Variants in C5orf52 observed in about 807,000 individuals in gnomAD.
C5orf52 encodes the protein chromosome 5 open reading frame 52.
Under a neutral mutation model 16.8 loss-of-function variants are expected in C5orf52, and 15 were observed. That is an observed-to-expected ratio of 0.89 (90% CI 0.60 to 1.38). C5orf52 has a LOEUF of 1.38. Among genes scored for constraint, C5orf52 ranks in the 40% most tolerant of loss-of-function variants. The probability of loss-of-function intolerance (pLI) is 0.00; values close to 1 mark genes in which losing one functional copy is unlikely to be tolerated. For missense variants in C5orf52, 206 were observed against 213.1 expected (o/e 0.97, Z 0.21); for synonymous variants, 83 against 87.2 (o/e 0.95, Z 0.27).
chr5:157,674,672 G>A (rs1759862349), intron 1 of C5orf52, among the ~76,000 whole-genome samples: 1 of 152,150 alleles, frequency 6.6e-6, no homozygotes, highest in South Asian at 2.1e-4. Context: ...GGAGGCCGAG[G>A]CAGGAGAATT....
rs78469140 is a variant in C5orf52, at chr5:157,675,148, C to T, written c.269C>T (p.Ser90Phe). 3,014 of 1,551,434 alleles carry T rather than the reference C, an allele frequency of 1.9e-3. 27 individuals are homozygous for T. The highest frequency in any genetic ancestry group is 0.018 in the African/African-American group (1,329 of 73,132). ...MKKTLPKSHLSRVIIHDNRIT... is the reference protein window; with the variant it reads ...MKKTLPKSHLFRVIIHDNRIT... The stretch of plus-strand genomic sequence containing the variant: ...AAAACTTTACCCAAGAGCCATTTAT[C>T]TCGGGTGATTATTCATGATAACCGC... The change falls in exon 2 of 3, where the codon TCT becomes TTT. Residue 90 changes from serine (S) to phenylalanine (F), a missense_variant. Ser to Phe is a radical substitution (Grantham distance 155, BLOSUM62 -2). Transcript: ENST00000409999.
chr5:157,673,437 A>G (rs1014625911), intron 1 of C5orf52, among the ~76,000 whole-genome samples: 2 of 152,314 alleles, frequency 1.3e-5, no homozygotes, highest in East Asian at 1.9e-4. Flanking sequence ...TTCAGGCTTC[A>G]TTCATATATA....
chr5:157,677,786 C>A (rs985747326), intron 2 of C5orf52, among the ~76,000 whole-genome samples: 2 of 151,924 alleles, frequency 1.3e-5, no homozygotes, highest in Non-Finnish European at 2.9e-5. Context: ...GAGTTTGAGA[C>A]CAGCCTGGCC....
At chr5:157,676,861 C>CTTTTTTTTTTTT (rs61514085) in intron 2 of C5orf52, among the ~76,000 whole-genome samples, 1 of 134,882 alleles carries the variant, frequency 7.4e-6, no homozygotes. Context: ...TTTTAATTTC[C>CTTTTTTTTTTTT]TTTTTTTTTC....
intron 2 of C5orf52, among the ~76,000 whole-genome samples, chr5:157,679,083 G>A (rs1162672307): frequency 6.6e-6 from 1 of 151,462 alleles, no homozygotes; most frequent in Non-Finnish European, 1.5e-5. Context: ...GCAGTGAGCT[G>A]AGATCGCGCC....
chr5:157,673,951 C>T (rs111474958), intron 1 of C5orf52, among the ~76,000 whole-genome samples: 1,808 of 152,206 alleles, frequency 0.012, 20 homozygotes, highest in South Asian at 0.049. Flanking sequence ...CGGTCCTGAA[C>T]AATTATTTTT....
At chr5:157,673,393 G>A (rs896338258) in intron 1 of C5orf52, among the ~76,000 whole-genome samples, 3 of 151,976 alleles carry the variant, frequency 2.0e-5, no homozygotes, top group Non-Finnish European at 4.4e-5. Context: ...TGATTGGCTA[G>A]GGACAATCAC....
At chr5:157,671,373 G>A (rs1260320852), upstream of C5orf52, 4 of 531,410 alleles carry the variant, frequency 7.5e-6, no homozygotes, top group Admixed American at 3.8e-5. Context: ...ACAGCAACGC[G>A]CCGGGTCTCA....
Position 157,671,798 on chromosome 5 carries a change from A to G in C5orf52, c.184A>G (p.Arg62Gly), listed in dbSNP as rs778595042. Residue 62 changes from arginine (R) to glycine (G), a missense_variant, in exon 1 of 3, where the codon AGG becomes GGG. Coordinates refer to ENST00000409999, the MANE Select transcript of C5orf52 (RefSeq NM_001145132.2). ...GQPQICFPRP[R>G]SAQQPVLFSL... The stretch of plus-strand genomic sequence containing the variant: ...GCCGCAGATCTGCTTTCCGCGGCCG[A>G]GGTCCGCGCAGCAGCCGGTGCTGTT... 287 of 1,543,818 alleles carry G rather than the reference A, an allele frequency of 1.9e-4. No individual in the cohort carries two copies. The highest frequency in any genetic ancestry group is 2.3e-4 in the Non-Finnish European group (267 of 1,143,198).
Position 157,671,816 on chromosome 5 carries a change from G to A in C5orf52, c.202G>A (p.Val68Met), listed in dbSNP as rs779796626. The change falls in exon 1 of 3, where the codon GTG becomes ATG. Residue 68 changes from valine to methionine, a missense_variant. Physicochemically the swap from Val to Met is conservative, Grantham distance 21. Coordinates refer to ENST00000409999, the MANE Select transcript of C5orf52 (RefSeq NM_001145132.2). ...FPRPRSAQQP[V>M]LFSLMNSSEA... is the part of the protein sequence containing the mutation. ...GCGGCCGAGGTCCGCGCAGCAGCCG[G>A]TGCTGTTCAGGTGTGGCCCGCATGC... 6.5e-6 allele frequency: 10 copies of A among 1,534,866 alleles called. No individual in the cohort carries two copies. Among genetic ancestry groups the A allele is most frequent in the South Asian group, 4.9e-5 (4 of 80,922 alleles).
chr5:157,673,634 A>C (rs911468308), intron 1 of C5orf52, among the ~76,000 whole-genome samples: 3 of 152,080 alleles, frequency 2.0e-5, no homozygotes, highest in Non-Finnish European at 4.4e-5. Flanking sequence ...TCCACATTTT[A>C]GAAAGAAAAT....
At chr5:157,675,708 CAAAA>C (rs1226678152) in intron 2 of C5orf52, among the ~76,000 whole-genome samples, 1 of 152,004 alleles carries the variant, frequency 6.6e-6, no homozygotes, top group Non-Finnish European at 1.5e-5. Flanking sequence ...GACTCCATCT[CAAAA>C]AACAAACAAA....
At chr5:157,677,738 C>T (rs1006495847) in intron 2 of C5orf52, among the ~76,000 whole-genome samples, 3 of 151,358 alleles carry the variant, frequency 2.0e-5, no homozygotes, top group East Asian at 1.9e-4. Context: ...AAGCCCAGCA[C>T]TTTGGGAGGC....
At chr5:157,676,728 T>C (rs1329894356) in intron 2 of C5orf52, among the ~76,000 whole-genome samples, 2 of 152,204 alleles carry the variant, frequency 1.3e-5, no homozygotes, top group Admixed American at 1.3e-4. Flanking sequence ...GATAGAGAAG[T>C]TGGGTTTACA....
rs1035864104 is a variant in C5orf52, at chr5:157,671,619, C to G, written c.5C>G (p.Thr2Arg). The change falls in exon 1 of 3, where the codon ACA becomes AGA. Residue 2 changes from threonine to arginine, a missense_variant. Transcript: ENST00000409999. ...TTCTCCAACAGGGAAGCCGCAATGACACAGCCGACTAGGCCCTCGGTCACC... is the reference window on the plus strand; with the variant it reads ...TTCTCCAACAGGGAAGCCGCAATGAGACAGCCGACTAGGCCCTCGGTCACC... M[T>R]QPTRPSVTCD... 9.7e-6 allele frequency: 15 copies of G among 1,547,974 alleles called. No homozygotes were observed. Among genetic ancestry groups the G allele is most frequent in the African/African-American group, 1.4e-5 (1 of 72,904 alleles).
At position 157,671,583 on chromosome 5, in the gene C5orf52, T is replaced by A; in HGVS notation, c.-32T>A. On this transcript the variant is annotated 5_prime_UTR_variant, in exon 1 of 3. Transcript: ENST00000409999. Reference sequence around the variant, plus strand: ...AGGTGGGCTGGCAACCAGCCACCAGTTTCCAACTCTTTCTCCAACAGGGAA... The same window carrying A: ...AGGTGGGCTGGCAACCAGCCACCAGATTCCAACTCTTTCTCCAACAGGGAA... 2.0e-6 allele frequency: 3 copies of A among 1,526,256 alleles called. No individual in the cohort carries two copies. The highest frequency in any genetic ancestry group is 2.5e-5 in the East Asian group (1 of 40,494). 94.5% of individuals were successfully genotyped at this position (1,526,256 alleles called of 1,614,324 possible).
intron 1 of C5orf52, among the ~76,000 whole-genome samples, chr5:157,674,048 G>C (rs373874598): frequency 7.9e-5 from 12 of 152,158 alleles, no homozygotes; most frequent in African/African-American, 2.9e-4. Context: ...CTCAGTGCCT[G>C]TAAGTGTATC....
At position 157,671,801 on chromosome 5, in the gene C5orf52, T is replaced by G. The variant is rs1444219848; in HGVS notation, c.187T>G (p.Ser63Ala). 6.5e-7 allele frequency: 1 copy of G among 1,543,292 alleles called. No individual in the cohort carries two copies. Among genetic ancestry groups the G allele is most frequent in the Non-Finnish European group, 8.7e-7 (1 of 1,142,966 alleles). The part of the protein sequence containing the change: ...QPQICFPRPR[S>A]AQQPVLFSLM... The stretch of plus-strand genomic sequence containing the variant: ...GCAGATCTGCTTTCCGCGGCCGAGG[T>G]CCGCGCAGCAGCCGGTGCTGTTCAG... Residue 63 changes from serine (S) to alanine (A), a missense_variant, in exon 1 of 3, where the codon TCC (serine) becomes GCC (alanine). Coordinates refer to ENST00000409999, the MANE Select transcript of C5orf52 (RefSeq NM_001145132.2).
At chr5:157,676,457 A>G (rs370064854) in intron 2 of C5orf52, among the ~76,000 whole-genome samples, 1 of 152,170 alleles carries the variant, frequency 6.6e-6, no homozygotes, top group East Asian at 1.9e-4. Context: ...AACATTAAAA[A>G]CAATTGGAGA....
Sources: allele counts gnomAD v4.1 joint callset (sites outside exome capture counted in the v4.1 genomes callset), GRCh38; gene constraint gnomAD v4.1.1; transcripts MANE v1.5; gene names NCBI Gene and HGNC (gene_info 2026-07-23, HGNC 2026-07-21).